Variants in ENOX1 observed in about 807,000 individuals in gnomAD.
ENOX1 encodes the protein ecto-NOX disulfide-thiol exchanger 1.
Under a neutral mutation model 82.5 loss-of-function variants are expected in ENOX1, and 42 were observed. The observed-to-expected ratio is 0.51, with a 90% CI of 0.40 to 0.66. The LOEUF (loss-of-function observed/expected upper bound fraction) is 0.66, where lower values mean the gene tolerates loss of function less well. Ranked by LOEUF, ENOX1 falls within the 30% of genes least tolerant of loss-of-function variation. ENOX1 has a pLI of 0.00. For missense variants in ENOX1, 608 were observed against 811.6 expected, an observed-to-expected ratio of 0.75 and a Z score of 3.05; for synonymous variants, 271 against 282.2, an observed-to-expected ratio of 0.96 and a Z score of 0.40.
intron 11 of ENOX1, among the ~76,000 whole-genome samples, chr13:43,299,597 C>T (rs1330003905): frequency 6.6e-6 from 1 of 152,154 alleles, no homozygotes; most frequent in Non-Finnish European, 1.5e-5. Flanking sequence ...GCTCCAGAGT[C>T]TCTGCTCTCG....
intron 2 of ENOX1, among the ~76,000 whole-genome samples, chr13:43,641,528 A>ATTTTTTTT (rs2083648919): frequency 1.5e-5 from 1 of 65,606 alleles, no homozygotes; most frequent in Admixed American, 2.1e-4. Flanking sequence ...ATTAATTTTT[A>ATTTTTTTT]ATTTTTTTTT....
chr13:43,388,633 C>A (rs1435837557), intron 5 of ENOX1, among the ~76,000 whole-genome samples: 1 of 152,128 alleles, frequency 6.6e-6, no homozygotes, highest in Non-Finnish European at 1.5e-5. Context: ...ATAATGGGAA[C>A]AAATTGACTA....
At chr13:43,320,394 G>GT (rs1020821854) in intron 11 of ENOX1, among the ~76,000 whole-genome samples, 14 of 152,186 alleles carry the variant, frequency 9.2e-5, no homozygotes, top group African/African-American at 3.1e-4. Flanking sequence ...ACTGGTGAAA[G>GT]TTTTTTTTAA....
intron 2 of ENOX1, among the ~76,000 whole-genome samples, chr13:43,492,634 C>A (rs995595557): frequency 6.6e-6 from 1 of 152,106 alleles, no homozygotes; most frequent in East Asian, 1.9e-4. Flanking sequence ...CATTGCAAAC[C>A]GGTCAAATAA....
chr13:43,463,297 T>A (rs927149997), intron 3 of ENOX1, among the ~76,000 whole-genome samples: 57 of 152,326 alleles, frequency 3.7e-4, no homozygotes, highest in African/African-American at 1.3e-3. Context: ...TTCAAGTTAC[T>A]AGGCATGACA....
intron 1 of ENOX1, among the ~76,000 whole-genome samples, chr13:43,718,726 G>C (rs2088338289): frequency 1.5e-5 from 2 of 130,668 alleles, no homozygotes; most frequent in East Asian, 2.1e-4. Context: ...TCATAATAAA[G>C]CTGTTAAAAT....
chr13:43,282,510 C>G (rs145514533), intron 12 of ENOX1, among the ~76,000 whole-genome samples: 12 of 150,084 alleles, frequency 8.0e-5, no homozygotes, highest in South Asian at 2.1e-4. Context: ...TGCAGTGGCT[C>G]GACTGCAGCC....
intron 1 of ENOX1, among the ~76,000 whole-genome samples, chr13:43,699,515 T>C (rs2086806995): frequency 6.6e-6 from 1 of 152,198 alleles, no homozygotes; most frequent in African/African-American, 2.4e-5. Context: ...GATAAGATAT[T>C]AAACCATTTC....
At chr13:43,494,917 A>G (rs981936150) in intron 2 of ENOX1, among the ~76,000 whole-genome samples, 9 of 152,194 alleles carry the variant, frequency 5.9e-5, no homozygotes, top group African/African-American at 2.2e-4. Context: ...ATAATGAGAA[A>G]AAAGATGCAG....
chr13:43,746,494 G>C (rs770458774), intron 1 of ENOX1, among the ~76,000 whole-genome samples: 1 of 152,098 alleles, frequency 6.6e-6, no homozygotes, highest in Non-Finnish European at 1.5e-5. Flanking sequence ...ATTAAAATAA[G>C]TGGTCGATAA....
At chr13:43,376,028 T>C (rs2051609478) in intron 5 of ENOX1, among the ~76,000 whole-genome samples, 1 of 152,164 alleles carries the variant, frequency 6.6e-6, no homozygotes, top group Non-Finnish European at 1.5e-5. Flanking sequence ...CTAATCTATA[T>C]TTGCTTGTTG....
At chr13:43,225,531 T>G (rs2041987799) in intron 15 of ENOX1, among the ~76,000 whole-genome samples, 1 of 152,198 alleles carries the variant, frequency 6.6e-6, no homozygotes, top group Admixed American at 6.5e-5. Context: ...TTCTGTTTTT[T>G]GTGAGCCTTC....
At chr13:43,780,800 C>T (rs1952212788) in intron 1 of ENOX1, among the ~76,000 whole-genome samples, 1 of 152,226 alleles carries the variant, frequency 6.6e-6, no homozygotes, top group Admixed American at 6.5e-5. Context: ...TTTTGAGATG[C>T]TCAAGGTACT....
At position 43,360,014 on chromosome 13, in the gene ENOX1, C is replaced by A; in HGVS notation, c.426G>T (p.Lys142Asn). ...PSTRERPPGC[K>N]TVFVGGLPEN... ...CTGGTAATCCTCCGACAAACACGGT[C>A]TTACACCCAGGAGGTCGTTCTCTTG... The change falls in exon 7 of 17, where the codon AAG (lysine) becomes AAT (asparagine). Residue 142 changes from lysine to asparagine, a missense_variant. Coordinates refer to ENST00000690772, the MANE Select transcript of ENOX1 (RefSeq NM_001347969.2). 6.2e-7 allele frequency: 1 copy of A among 1,614,214 alleles called. No homozygotes were observed. The highest frequency in any genetic ancestry group is 8.5e-7 in the Non-Finnish European group (1 of 1,180,036).
At chr13:43,219,976 C>A (rs1369828805) in intron 16 of ENOX1, among the ~76,000 whole-genome samples, 6 of 152,200 alleles carry the variant, frequency 3.9e-5, no homozygotes, top group Non-Finnish European at 8.8e-5. Context: ...AAATCTTGTT[C>A]ATTCTTCACA....
At chr13:43,434,937 G>GTTTTTTTTTTTTTTTTTTTTTTTTTTTTT (rs537775258) in intron 3 of ENOX1, among the ~76,000 whole-genome samples, 1 of 75,910 alleles carries the variant, frequency 1.3e-5, no homozygotes, top group African/African-American at 5.3e-5. Flanking sequence ...TGTGTGTGTG[G>GTTTTTTTTTTTTTTTTTTTTTTTTTTTTT]TTTTTTTTTT....
chr13:43,320,949 C>A (rs2153526079), intron 11 of ENOX1: 1 of 355,990 alleles, frequency 2.8e-6, no homozygotes, highest in Non-Finnish European at 5.7e-6. Context: ...CTCAAATAAA[C>A]AAACCCAAGA....
chr13:43,539,721 T>G (rs2078628004), intron 2 of ENOX1, among the ~76,000 whole-genome samples: 1 of 152,174 alleles, frequency 6.6e-6, no homozygotes, highest in Admixed American at 6.5e-5. Flanking sequence ...AAATGCTTAC[T>G]AATGTTTTGT....
intron 3 of ENOX1, among the ~76,000 whole-genome samples, chr13:43,454,985 C>T (rs1440733972): frequency 2.0e-5 from 3 of 152,068 alleles, no homozygotes; most frequent in African/African-American, 7.2e-5. Flanking sequence ...TTCTTTTTAA[C>T]ACCATTTTGT....
Sources: gnomAD v4.1 joint callset for allele counts (sites outside exome capture counted in the v4.1 genomes callset) on GRCh38, gnomAD v4.1.1 for gene constraint, MANE v1.5 for transcripts, NCBI Gene and HGNC (gene_info 2026-07-23, HGNC 2026-07-21) for gene names.